The following MAML3 variants were observed in gnomAD, a reference collection of about 807,000 sequenced individuals.
MAML3 encodes mastermind-like protein 3.
Under a neutral mutation model 101.9 loss-of-function variants are expected in MAML3, and 27 were observed. The ratio of observed to expected loss-of-function variants is 0.27; its 90% confidence interval spans 0.20 to 0.37. The LOEUF is 0.37. Among genes scored for constraint, MAML3 ranks in the 10% least tolerant of loss-of-function variants. The pLI, the probability that MAML3 is intolerant of heterozygous loss-of-function variation, is 1.00. For synonymous variants in MAML3, 501 were observed against 555.9 expected (o/e 0.90, Z 1.39); for missense variants, 1,316 against 1,444.9 (o/e 0.91, Z 1.45).
Position 139,890,055 on chromosome 4 carries a change from C to G in MAML3, c.1381G>C (p.Asp461His). 6.2e-7 allele frequency: 1 copy of G among 1,608,876 alleles called. No homozygotes were observed. Among genetic ancestry groups the G allele is most frequent in the Non-Finnish European group, 8.5e-7 (1 of 1,177,348 alleles). Residue 461 changes from aspartate to histidine, a missense_variant, in exon 2 of 5, where the codon GAC (aspartate) becomes CAC (histidine). Asp to His is a moderately conservative substitution (Grantham distance 81). Coordinates refer to ENST00000509479, the MANE Select transcript of MAML3 (RefSeq NM_018717.5). The surrounding 1 kb of genome is among the most constrained non-coding windows in gnomAD (Gnocchi z 4.1). Reference protein sequence around the residue: ...ASGPVAVPSSDMSPAEQLKQM... With the variant: ...ASGPVAVPSSHMSPAEQLKQM... The stretch of plus-strand genomic sequence containing the variant: ...TTGAGCTGTTCTGCTGGAGACATGT[C>G]AGAGCTGGGCACAGCCACAGGCCCT...
chr4:139,994,803 G>A (rs1258968985), intron 1 of MAML3, among the ~76,000 whole-genome samples: 1 of 151,904 alleles, frequency 6.6e-6, no homozygotes, highest in Non-Finnish European at 1.5e-5. Context: ...GTGTGTGTGT[G>A]TGTGTATGTG....
chr4:139,961,827 C>T (rs879835296), intron 1 of MAML3, among the ~76,000 whole-genome samples: 1 of 152,044 alleles, frequency 6.6e-6, no homozygotes, highest in East Asian at 1.9e-4. Flanking sequence ...AGAACTAAGA[C>T]ACAAAGCCGG....
intron 1 of MAML3, among the ~76,000 whole-genome samples, chr4:139,930,706 T>C (rs1733372372): frequency 6.6e-6 from 1 of 152,210 alleles, no homozygotes; most frequent in Admixed American, 6.5e-5. Flanking sequence ...CTGGTCTCTA[T>C]GCTCTCAGGT....
rs374326555 is a variant in MAML3 at position 139,836,613 on chromosome 4, C to G, written c.2079+52744G>C. On this transcript the variant is annotated intron_variant, in intron 2 of 4. Coordinates refer to ENST00000509479, the MANE Select transcript of MAML3 (RefSeq NM_018717.5). The stretch of plus-strand genomic sequence containing the variant: ...AGCAAGCCAGCCCCAGGAGGTTAGC[C>G]AAGTGCTGGAGCCCTCCTTTGATAG... Among the ~76,000 whole-genome samples the G allele has an allele frequency of 2.1e-3, 313 of 152,244 alleles. 1 individual carries two copies. Among genetic ancestry groups the G allele is most frequent in the African/African-American group, 7.3e-3 (305 of 41,534 alleles).
intron 1 of MAML3, among the ~76,000 whole-genome samples, chr4:139,960,160 A>G (rs908779724): frequency 1.3e-5 from 2 of 152,356 alleles, no homozygotes; most frequent in African/African-American, 4.8e-5. Context: ...AGGGAGTTAC[A>G]TGATCTTCAT....
At position 139,720,057 on chromosome 4, in the gene MAML3, T is replaced by A; in HGVS notation, c.2683A>T (p.Asn895Tyr). 2 of 1,614,102 alleles carry A rather than the reference T, an allele frequency of 1.2e-6. No homozygotes were observed. Among genetic ancestry groups the A allele is most frequent in the Non-Finnish European group, 1.7e-6 (2 of 1,179,912 alleles). ...GGTTGCCTCGGTCCCTGGGCTTGGT[T>A]ATGTGTGATGCTCATGCCACTTTGG... ...PNQSGMSITH[N>Y]QAQGPRQPAS... Residue 895 changes from asparagine (N) to tyrosine (Y), a missense_variant, in exon 5 of 5, where the codon AAC becomes TAC. By Grantham distance (143) the Asn-to-Tyr change is moderately radical (BLOSUM62 -2). Transcript: ENST00000509479.
At chr4:140,069,472 A>G (rs1727601801) in intron 1 of MAML3, among the ~76,000 whole-genome samples, 1 of 110,932 alleles carries the variant, frequency 9.0e-6, no homozygotes, top group African/African-American at 3.5e-5. Flanking sequence ...GAGAAGGAGA[A>G]AGGAAGAAGA....
intron 1 of MAML3, among the ~76,000 whole-genome samples, chr4:140,052,931 G>T (rs568315952): frequency 6.6e-6 from 1 of 152,196 alleles, no homozygotes; most frequent in East Asian, 1.9e-4. Context: ...GTGAGTAAGT[G>T]GTGATAAATT....
intron 2 of MAML3, among the ~76,000 whole-genome samples, chr4:139,876,933 ATCC>A (rs1732126939): frequency 1.3e-5 from 2 of 152,226 alleles, no homozygotes; most frequent in Non-Finnish European, 2.9e-5. Flanking sequence ...CCATTAAAAC[ATCC>A]TTTGTATGAA....
At chr4:139,886,811 C>T (rs571587796) in intron 2 of MAML3, among the ~76,000 whole-genome samples, 1 of 152,128 alleles carries the variant, frequency 6.6e-6, no homozygotes, top group East Asian at 1.9e-4. Context: ...TTTGAAATAT[C>T]TTTTGTTTCT....
chr4:139,912,419 C>T (rs1388457651), intron 1 of MAML3, among the ~76,000 whole-genome samples: 1 of 152,182 alleles, frequency 6.6e-6, no homozygotes, highest in Non-Finnish European at 1.5e-5. Flanking sequence ...TACAGCTAGT[C>T]CGTTACAGGA....
intron 1 of MAML3, among the ~76,000 whole-genome samples, chr4:140,098,323 C>T (rs1051827329): frequency 1.3e-5 from 2 of 152,176 alleles, no homozygotes; most frequent in African/African-American, 4.8e-5. Flanking sequence ...TTGTTTTCTT[C>T]ATCTGTGTAA....
intron 2 of MAML3, among the ~76,000 whole-genome samples, chr4:139,745,645 A>AGG (rs1172456519): frequency 2.7e-4 from 41 of 152,358 alleles, no homozygotes; most frequent in African/African-American, 9.4e-4. Context: ...CCCAGTCCAC[A>AGG]TGGCTACCAG....
At chr4:139,979,182 A>T (rs1734400943) in intron 1 of MAML3, among the ~76,000 whole-genome samples, 1 of 152,240 alleles carries the variant, frequency 6.6e-6, no homozygotes, top group East Asian at 1.9e-4. Flanking sequence ...GAGAGAACTA[A>T]GGATTAGAAT....
intron 2 of MAML3, among the ~76,000 whole-genome samples, chr4:139,777,644 A>T (rs1730116736): frequency 6.6e-6 from 1 of 152,244 alleles, no homozygotes; most frequent in South Asian, 2.1e-4. Context: ...CTCTTGCCTC[A>T]GCCACCCAAG....
chr4:140,006,660 T>G (rs1184390238), intron 1 of MAML3, among the ~76,000 whole-genome samples: 1 of 147,762 alleles, frequency 6.8e-6, no homozygotes, highest in Non-Finnish European at 1.5e-5. Flanking sequence ...GAAAAAAAGG[T>G]GGTTAGCATA....
chr4:139,884,996 A>G (rs1329060636), intron 2 of MAML3, among the ~76,000 whole-genome samples: 1 of 152,248 alleles, frequency 6.6e-6, no homozygotes, highest in Non-Finnish European at 1.5e-5. Context: ...ATGTGACCAT[A>G]GTAAGTTCTA....
intron 1 of MAML3, among the ~76,000 whole-genome samples, chr4:139,990,246 A>G (rs1035490273): frequency 6.6e-6 from 1 of 152,266 alleles, no homozygotes; most frequent in Admixed American, 6.5e-5. Flanking sequence ...CTGGTTCAAT[A>G]TACGCAAATC....
chr4:139,899,595 C>A (rs965719015), intron 1 of MAML3, among the ~76,000 whole-genome samples: 2 of 152,062 alleles, frequency 1.3e-5, no homozygotes, highest in Non-Finnish European at 2.9e-5. Context: ...ACATGCCACA[C>A]ATATGTTGAA....
Sources: gnomAD v4.1 joint callset for allele counts (sites outside exome capture counted in the v4.1 genomes callset) on GRCh38, gnomAD v4.1.1 for gene constraint, Gnocchi (gnomAD v3.1) non-coding constraint, MANE v1.5 for transcripts, NCBI Gene and HGNC (gene_info 2026-07-23, HGNC 2026-07-21) for gene names.